The following SZT2 variants were observed in gnomAD, a reference collection of about 807,000 sequenced individuals.
SZT2 encodes SZT2 subunit of KICSTOR complex, also known as KICSTOR complex protein SZT2.
SZT2 carries 216 observed loss-of-function variants against 404.2 expected under a neutral mutation model. That is an observed-to-expected ratio of 0.53 (90% confidence interval 0.48 to 0.60). The LOEUF is 0.60. SZT2 is among the 20% of genes least tolerant of loss of function. The pLI is 0.00. For synonymous variants in SZT2, 1,693 were observed against 1,749.9 expected (o/e 0.97, Z 0.81); for missense variants, 3,857 against 4,459.2 (o/e 0.86, Z 3.85).
chr1:43,408,153 ACTTT>A (rs1361287809), intron 4 of SZT2, among the ~76,000 whole-genome samples: 2 of 151,864 alleles, frequency 1.3e-5, no homozygotes, highest in Non-Finnish European at 2.9e-5. Flanking sequence ...ATTTTATGGA[ACTTT>A]CTTCTAATTT....
At chr1:43,393,155 A>C (rs902373250) in intron 1 of SZT2, among the ~76,000 whole-genome samples, 1 of 152,208 alleles carries the variant, frequency 6.6e-6, no homozygotes, top group Non-Finnish European at 1.5e-5. Context: ...AATAGGTAGA[A>C]GTTTTCTAAA....
chr1:43,435,195 C>A lies in SZT2; in HGVS notation c.5905-5C>A. 6.2e-7 allele frequency: 1 copy of A among 1,614,054 alleles called. No homozygotes were observed. The highest frequency in any genetic ancestry group is 8.5e-7 in the Non-Finnish European group (1 of 1,179,900). On this transcript the variant is annotated splice_region_variant and splice_polypyrimidine_tract_variant and intron_variant, in intron 41 of 71. Transcript: ENST00000634258. ...AGTTCCCTGACCTCATGCTCCTTCTCCCAGCGACTGCTTCTTCAAGACCTT... is the reference window on the plus strand; with the variant it reads ...AGTTCCCTGACCTCATGCTCCTTCTACCAGCGACTGCTTCTTCAAGACCTT...
chr1:43,396,305 C>T lies in SZT2; in HGVS notation c.27+6310C>T, dbSNP rs188638529. On this transcript the variant is annotated intron_variant, in intron 1 of 71. Transcript: ENST00000634258. ...TGTTTGTTTTAGAAAAGTAAAGACT[C>T]AGGGCTGTCATCACATGTTTAATAG... 2.0e-5 allele frequency among the ~76,000 whole-genome samples: 3 copies of T among 152,342 alleles called. No homozygotes were observed. In the East Asian group the frequency reaches 5.8e-4, roughly 29 times the overall value.
chr1:43,439,042 C>A lies in SZT2; in HGVS notation c.6741C>A (p.Ile2247=). 2 of 1,614,246 alleles carry A rather than the reference C, an allele frequency of 1.2e-6. No homozygotes were observed. Among genetic ancestry groups the A allele is most frequent in the Non-Finnish European group, 1.7e-6 (2 of 1,180,044 alleles). ...GGTACCTACGGCAGAACTTGCTCATCTTCCTGCACTCTCCCAAGTACACAG... is the reference window on the plus strand; with the variant it reads ...GGTACCTACGGCAGAACTTGCTCATATTCCTGCACTCTCCCAAGTACACAG... The part of the protein sequence containing the change: ...LAWYLRQNLL[I]FLHSPKYTDS... Residue 2247 remains isoleucine, a synonymous_variant, in exon 48 of 72, where the codon ATC becomes ATA. Coordinates refer to ENST00000634258, the MANE Select transcript of SZT2 (RefSeq NM_001365999.1). The surrounding 1 kb of genome is among the most constrained non-coding windows in gnomAD (Gnocchi z 4.2).
chr1:43,446,479 A>G (rs922538275), intron 65 of SZT2, 63 bp downstream of exon 65: 50 of 1,598,676 alleles, frequency 3.1e-5, no homozygotes, highest in Middle Eastern at 3.5e-4. Context: ...GCATGGCTCC[A>G]TGTCCCATTT....
Position 43,431,756 on chromosome 1 carries a change from G to A in SZT2, c.5129G>A (p.Arg1710Gln), listed in dbSNP as rs142116265. Residue 1710 changes from arginine (R) to glutamine (Q), a missense_variant, in exon 36 of 72, where the codon CGA becomes CAA. Transcript: ENST00000634258. ...GAAGATGAGATGGTGGGGGCACTCC[G>A]AAGAGGGGGCATCCCACAGAGTCCT... is the stretch of plus-strand genomic sequence containing the variant. ...LLEDEMVGAL[R>Q]RGGIPQSPAL... is the part of the protein sequence containing the mutation. The A allele has an allele frequency of 9.9e-6, 16 of 1,614,216 alleles. No individual in the cohort carries two copies. Among genetic ancestry groups the A allele is most frequent in the Non-Finnish European group, 1.4e-5 (16 of 1,180,036 alleles).
chr1:43,428,022 C>T lies in SZT2; in HGVS notation c.3823C>T (p.Pro1275Ser). 1 of 1,614,110 alleles carries T rather than the reference C, an allele frequency of 6.2e-7. No individual in the cohort carries two copies. Among genetic ancestry groups the T allele is most frequent in the South Asian group, 1.1e-5 (1 of 91,058 alleles). The change falls in exon 27 of 72, where the codon CCC becomes TCC. Residue 1275 changes from proline to serine, a missense_variant. Transcript: ENST00000634258. ...LIFRTQFLDH[P>S]SPSSAWMEPR... ...TCCTAGGACTCAGTTCCTCGACCAC[C>T]CCTCCCCATCCTCAGCCTGGATGGA...
intron 1 of SZT2, among the ~76,000 whole-genome samples, chr1:43,392,214 G>T (rs1486294169): frequency 6.6e-6 from 1 of 151,088 alleles, no homozygotes; most frequent in Non-Finnish European, 1.5e-5. Context: ...AACATCGTGA[G>T]ATATTTAACA....
Position 43,434,501 on chromosome 1 carries a change from C to T in SZT2, c.5904+16C>T. 1 of 1,577,504 alleles carries T rather than the reference C, an allele frequency of 6.3e-7. No homozygotes were observed. The highest frequency in any genetic ancestry group is 2.3e-5 in the East Asian group (1 of 43,866). On this transcript the variant is annotated intron_variant, in intron 41 of 71. Coordinates refer to ENST00000634258, the MANE Select transcript of SZT2 (RefSeq NM_001365999.1). ...GGTCAACCAGGTAAGGGGCAGGACT[C>T]TCCAGACCCGGACACACAGAGCAGA...
At chr1:43,423,402 T>G in intron 15 of SZT2, 86 bp downstream of exon 15, 1 of 1,312,208 alleles carries the variant, frequency 7.6e-7, no homozygotes, top group East Asian at 2.5e-5. Flanking sequence ...CCGGTGTGAG[T>G]AGTATAGAGG....
rs774841589 is a variant in SZT2 at position 43,428,111 on chromosome 1, T to C, written c.3912T>C (p.Tyr1304=). Residue 1304 remains tyrosine (Y), a synonymous_variant, in exon 27 of 72, where the codon TAT becomes TAC. Coordinates refer to ENST00000634258, the MANE Select transcript of SZT2 (RefSeq NM_001365999.1). ...TGCAGGAGCATGCACAGCGGTGCTA[T>C]GTCCGTGGTGAGCAGGAGGGCCGTG... ...ALLQEHAQRC[Y]VRGLFRSLQQ... 1 of 1,613,530 alleles carries C rather than the reference T, an allele frequency of 6.2e-7. No individual in the cohort carries two copies. The highest frequency in any genetic ancestry group is 1.3e-5 in the African/African-American group (1 of 74,900).
Position 43,424,219 on chromosome 1 carries a change from A to T in SZT2, c.2258A>T (p.Tyr753Phe). 6.3e-7 allele frequency: 1 copy of T among 1,597,106 alleles called. No homozygotes were observed. Among genetic ancestry groups the T allele is most frequent in the Non-Finnish European group, 8.5e-7 (1 of 1,179,160 alleles). Residue 753 changes from tyrosine to phenylalanine, a missense_variant and splice_region_variant, in exon 16 of 72, where the codon TAT becomes TTT. By Grantham distance (22) the Tyr-to-Phe change is conservative (BLOSUM62 3). Transcript: ENST00000634258. This position sits in a 1 kb window ranked among gnomAD's most constrained non-coding sequence, Gnocchi z 4.1. ...HKPLDKLLIR[Y>F]EKLPLDYRAP... ...TGGGGAGTTGTCCCATTTCCTAGGT[A>T]TGAGAAGCTGCCCTTGGACTACCGG...
In SZT2 at chr1:43,441,834, A is replaced by G. The variant is rs970465476; in HGVS notation, c.7742+16A>G. On this transcript the variant is annotated intron_variant, in intron 55 of 71. Coordinates refer to ENST00000634258, the MANE Select transcript of SZT2 (RefSeq NM_001365999.1). This position sits in a 1 kb window ranked among gnomAD's most constrained non-coding sequence, Gnocchi z 4.8. The stretch of plus-strand genomic sequence containing the variant: ...AGCAGCATTTGTGAGTGTAGATCCT[A>G]TAGAATTGAAGGGAACTCCCCTAGA... 8 of 1,576,366 alleles carry G rather than the reference A, an allele frequency of 5.1e-6. No homozygotes were observed. The highest frequency in any genetic ancestry group is 6.0e-6 in the Non-Finnish European group (7 of 1,160,350).
chr1:43,426,936 T>C lies in SZT2; in HGVS notation c.3310-120T>C. 6.4e-7 allele frequency: 1 copy of C among 1,562,360 alleles called. No individual in the cohort carries two copies. Among genetic ancestry groups the C allele is most frequent in the Non-Finnish European group, 8.7e-7 (1 of 1,144,756 alleles). ...TCTGCCAATGACACAATGCCGTCAT[T>C]TTCCATTGTCCTGGATCTTTCAAGC... On this transcript the variant is annotated intron_variant, in intron 23 of 71. Coordinates refer to ENST00000634258, the MANE Select transcript of SZT2 (RefSeq NM_001365999.1). This position sits in a 1 kb window ranked among gnomAD's most constrained non-coding sequence, Gnocchi z 4.9.
intron 62 of SZT2, 54 bp downstream of exon 62, chr1:43,443,850 G>A: frequency 6.2e-7 from 1 of 1,601,142 alleles, no homozygotes; most frequent in Non-Finnish European, 8.5e-7. Flanking sequence ...TGCAAGTGAG[G>A]CCCCACAGGC....
At chr1:43,434,557 C>A in intron 41 of SZT2, 72 bp downstream of exon 41, 1 of 1,286,888 alleles carries the variant, frequency 7.8e-7, no homozygotes, top group Non-Finnish European at 1.1e-6. Context: ...ACTTGATTTT[C>A]AGAGGCTATT....
chr1:43,424,947 T>C lies in SZT2; in HGVS notation c.2550+85T>C. ...CACCTCTGAGCTGGGTTGGGACTGC[T>C]GGAAACTGCCTCACAGGGACCCTGT... On this transcript the variant is annotated intron_variant, in intron 17 of 71. Transcript: ENST00000634258. The surrounding 1 kb of genome is among the most constrained non-coding windows in gnomAD (Gnocchi z 4.1). The C allele has an allele frequency of 6.6e-7, 1 of 1,525,060 alleles. No individual in the cohort carries two copies. The allele number at this position is 1,525,060 out of a possible 1,614,324, so 94.5% of individuals were successfully genotyped here. A position where few individuals can be genotyped will look rare whatever the true frequency, so the allele number is the denominator to read the frequency against.
At chr1:43,422,948 A>C in intron 14 of SZT2, 65 bp downstream of exon 14, 1 of 1,508,516 alleles carries the variant, frequency 6.6e-7, no homozygotes, top group Middle Eastern at 1.7e-4. Context: ...CCCTCTCCCC[A>C]AACCCCACAG....
chr1:43,452,511 A>C lies in SZT2; in HGVS notation c.*2031A>C. On this transcript the variant is annotated 3_prime_UTR_variant, in exon 72 of 72. Coordinates refer to ENST00000634258, the MANE Select transcript of SZT2 (RefSeq NM_001365999.1). Reference sequence around the variant, plus strand: ...GGCTGAGGGGCAAGCCCTTTCCCAGACATCTCAGTGTCCACCCACCGCCTC... The same window carrying C: ...GGCTGAGGGGCAAGCCCTTTCCCAGCCATCTCAGTGTCCACCCACCGCCTC... 1.5e-6 allele frequency: 1 copy of C among 681,044 alleles called. No homozygotes were observed. The highest frequency in any genetic ancestry group is 2.7e-6 in the Non-Finnish European group (1 of 367,980). The allele number at this position is 681,044 out of a possible 1,614,324, so 42.2% of individuals were successfully genotyped here. A position where few individuals can be genotyped will look rare whatever the true frequency, so the allele number is the denominator to read the frequency against.
Sources: gnomAD v4.1 joint callset for allele counts (sites outside exome capture counted in the v4.1 genomes callset) on GRCh38, gnomAD v4.1.1 for gene constraint, Gnocchi (gnomAD v3.1) non-coding constraint, MANE v1.5 for transcripts, NCBI Gene and HGNC (gene_info 2026-07-23, HGNC 2026-07-21) for gene names.